Variants in ATXN2 observed in about 807,000 individuals in gnomAD.
ATXN2 encodes the protein ataxin-2.
ATXN2 carries 37 observed loss-of-function variants against 138.6 expected under a neutral mutation model. That is an observed-to-expected ratio of 0.27 (90% CI 0.21 to 0.35). ATXN2 has a LOEUF of 0.35. Ranked by LOEUF, ATXN2 falls within the 10% of genes least tolerant of loss-of-function variation. ATXN2 has a pLI of 1.00. For missense variants in ATXN2, 1,216 were observed against 1,480.3 expected (o/e 0.82, Z 2.93); for synonymous variants, 549 against 543.7 (o/e 1.01, Z -0.13).
intron 5 of ATXN2, among the ~76,000 whole-genome samples, chr12:111,551,357 C>T (rs1209412013): frequency 6.6e-6 from 1 of 151,180 alleles, no homozygotes; most frequent in Non-Finnish European, 1.5e-5. Context: ...TGCCTTGCAA[C>T]GTGTTACTGA....
chr12:111,551,365 T>G (rs1882109912), intron 5 of ATXN2, among the ~76,000 whole-genome samples: 1 of 151,802 alleles, frequency 6.6e-6, no homozygotes, highest in Non-Finnish European at 1.5e-5. Flanking sequence ...AACGTGTTAC[T>G]GAACACTCAA....
At chr12:111,452,895 C>T (rs868002430) in intron 24 of ATXN2, 55 bp from the exon 25 acceptor site, 2 of 1,581,746 alleles carry the variant, frequency 1.3e-6, no homozygotes, top group Non-Finnish European at 1.7e-6. Flanking sequence ...CACACATCAG[C>T]CTAGTGTCTC....
chr12:111,580,310 A>G (rs760146525), intron 1 of ATXN2, among the ~76,000 whole-genome samples: 2 of 151,844 alleles, frequency 1.3e-5, no homozygotes, highest in South Asian at 4.2e-4. Flanking sequence ...GCAAGATCCT[A>G]TCTCCGAAAA....
At chr12:111,503,827 T>C (rs1157097367) in intron 14 of ATXN2, among the ~76,000 whole-genome samples, 1 of 152,124 alleles carries the variant, frequency 6.6e-6, no homozygotes, top group Non-Finnish European at 1.5e-5. Flanking sequence ...TGACCTCAAG[T>C]GATCCACCCG....
chr12:111,579,848 C>T (rs866466741), intron 1 of ATXN2, among the ~76,000 whole-genome samples: 3 of 151,748 alleles, frequency 2.0e-5, no homozygotes, highest in Non-Finnish European at 4.4e-5. Context: ...TACAGGAGCG[C>T]GCCACCGTGC....
intron 6 of ATXN2, among the ~76,000 whole-genome samples, chr12:111,522,673 G>A (rs568043896): frequency 6.6e-6 from 1 of 152,076 alleles, no homozygotes; most frequent in East Asian, 1.9e-4. Flanking sequence ...AGCACTTTGA[G>A]AGGCCAAGGT....
At chr12:111,560,670 A>T (rs1353074043) in intron 1 of ATXN2, among the ~76,000 whole-genome samples, 3 of 152,120 alleles carry the variant, frequency 2.0e-5, no homozygotes, top group African/African-American at 7.2e-5. Context: ...AAATAAGCAA[A>T]TAACAGTAAC....
At chr12:111,594,134 C>T (rs573656283) in intron 1 of ATXN2, among the ~76,000 whole-genome samples, 4 of 152,252 alleles carry the variant, frequency 2.6e-5, no homozygotes, top group Admixed American at 6.6e-5. Context: ...TCTGCCTAGT[C>T]ACATTAGAAT....
chr12:111,581,481 C>T, intron 1 of ATXN2: 1 of 972,902 alleles, frequency 1.0e-6, no homozygotes, highest in Admixed American at 1.7e-5. Flanking sequence ...CTGGGGGCAC[C>T]CCACAACCCT....
intron 1 of ATXN2, among the ~76,000 whole-genome samples, chr12:111,597,409 G>GGCCTAGGCCTAAAGAAGGCACAGTAGT (rs1838959083): frequency 6.6e-6 from 1 of 152,144 alleles, no homozygotes; most frequent in African/African-American, 2.4e-5. Context: ...TCAAGCCGGC[G>GGCCTAGGCCTAAAGAAGGCACAGTAGT]GCCTAGGCCT....
intron 1 of ATXN2, among the ~76,000 whole-genome samples, chr12:111,584,913 T>C (rs770569370): frequency 6.6e-6 from 1 of 151,916 alleles, no homozygotes; most frequent in Non-Finnish European, 1.5e-5. Context: ...ATCGGGCCAT[T>C]GCACTCCAGC....
intron 1 of ATXN2, among the ~76,000 whole-genome samples, chr12:111,574,241 G>C (rs1883501501): frequency 7.2e-6 from 1 of 138,614 alleles, no homozygotes; most frequent in Admixed American, 8.1e-5. Context: ...CCGAGAGGCA[G>C]AGCTTGTAGT....
chr12:111,532,396 T>C (rs373734602), intron 5 of ATXN2, among the ~76,000 whole-genome samples: 1 of 152,128 alleles, frequency 6.6e-6, no homozygotes, highest in African/African-American at 2.4e-5. Context: ...AGGAGAATCG[T>C]TTGAACCCAG....
chr12:111,562,720 CAAAAAAAAA>C lies in ATXN2; in HGVS notation c.252-6810_252-6802del, dbSNP rs34625134. Among the ~76,000 whole-genome samples the C allele has an allele frequency of 1.8e-3, 101 of 55,998 alleles. 1 individual carries two copies. Among genetic ancestry groups the C allele is most frequent in the Admixed American group, 0.018 (85 of 4,836 alleles). The allele number at this position is 55,998 out of a possible 152,430, so 36.7% of individuals were successfully genotyped here. On this transcript the variant is annotated intron_variant, in intron 1 of 24. Coordinates refer to ENST00000673436, the MANE Select transcript of ATXN2 (RefSeq NM_001372574.1). ...GGGCAATAAGAGCGAAACTCCATCT[CAAAAAAAAA>C]AAAAAAAAAAAAAAAATGTAGACAG...
At chr12:111,535,664 A>G (rs1881117935) in intron 5 of ATXN2, among the ~76,000 whole-genome samples, 1 of 151,820 alleles carries the variant, frequency 6.6e-6, no homozygotes, top group South Asian at 2.1e-4. Context: ...GTGATGTCTA[A>G]CACACAGAAC....
chr12:111,555,609 G>T (rs984787914), intron 2 of ATXN2, among the ~76,000 whole-genome samples: 1 of 152,120 alleles, frequency 6.6e-6, no homozygotes, highest in African/African-American at 2.4e-5. Flanking sequence ...GCAATGCAGA[G>T]CATGAGTCAA....
chr12:111,579,560 C>A (rs975732527), intron 1 of ATXN2, among the ~76,000 whole-genome samples: 3 of 151,938 alleles, frequency 2.0e-5, no homozygotes, highest in Admixed American at 6.6e-5. Context: ...TCGCACCCGG[C>A]CTCCAGCTTT....
chr12:111,536,533 A>G (rs768167950), intron 5 of ATXN2, among the ~76,000 whole-genome samples: 2 of 152,176 alleles, frequency 1.3e-5, no homozygotes, highest in Non-Finnish European at 2.9e-5. Context: ...CGTTGGAAAC[A>G]GCTATGTAGG....
intron 5 of ATXN2, among the ~76,000 whole-genome samples, chr12:111,541,476 CGAGTAGCTGG>C (rs1299993255): frequency 6.8e-6 from 1 of 147,176 alleles, no homozygotes; most frequent in East Asian, 1.9e-4. Flanking sequence ...CTCAGCCTCC[CGAGTAGCTGG>C]GACTACAGGT....
Sources: allele counts gnomAD v4.1 joint callset (sites outside exome capture counted in the v4.1 genomes callset), GRCh38; gene constraint gnomAD v4.1.1; transcripts MANE v1.5; gene names NCBI Gene and HGNC (gene_info 2026-07-23, HGNC 2026-07-21).